Variants in ASAP2 observed in about 807,000 individuals in gnomAD.
ASAP2 encodes the protein ArfGAP with SH3 domain, ankyrin repeat and PH domain 2, also known as arf-GAP with SH3 domain, ANK repeat and PH domain-containing protein 2.
A neutral mutation model predicts 131.4 loss-of-function variants in ASAP2; 45 were observed. The ratio of observed to expected loss-of-function variants is 0.34; its 90% CI spans 0.27 to 0.44. ASAP2 has a LOEUF of 0.44. ASAP2 is among the 20% of genes least tolerant of loss of function. The pLI is 1.00. For synonymous variants in ASAP2, 510 were observed against 503.0 expected (o/e 1.01, Z -0.19); for missense variants, 1,011 against 1,297.0 (o/e 0.78, Z 3.39).
intron 22 of ASAP2, among the ~76,000 whole-genome samples, 199 bp downstream of exon 22, chr2:9,388,745 C>T (rs902684742): frequency 1.3e-5 from 2 of 152,156 alleles, no homozygotes; most frequent in African/African-American, 4.8e-5. Context: ...GACTCTTATT[C>T]TGGGCAGAGT....
chr2:9,395,594 C>CTTTT lies in ASAP2; in HGVS notation c.2684+1975_2684+1978dup. 3.0e-3 allele frequency among the ~76,000 whole-genome samples: 176 copies of CTTTT among 59,048 alleles called. 28 individuals carry two copies. The highest frequency in any genetic ancestry group is 4.8e-3 in the Non-Finnish European group (132 of 27,434). The allele number at this position is 59,048 out of a possible 152,430, so 38.7% of individuals were successfully genotyped here. On this transcript the variant is annotated intron_variant, in intron 24 of 27. Coordinates refer to ENST00000281419, the MANE Select transcript of ASAP2 (RefSeq NM_003887.3). ...GTTTTGTTTTTCTTGTGTTTTTTTT[C>CTTTT]TTTTTTTTTTTTTTTTTTTTTTTTT...
At chr2:9,216,029 G>T (rs1179593575) in intron 1 of ASAP2, among the ~76,000 whole-genome samples, 1 of 152,128 alleles carries the variant, frequency 6.6e-6, no homozygotes, top group Non-Finnish European at 1.5e-5. Flanking sequence ...TCTGAGCTGG[G>T]TAGGTCCTAC....
At chr2:9,388,961 C>T (rs1172171810) in intron 22 of ASAP2, among the ~76,000 whole-genome samples, 2 of 152,180 alleles carry the variant, frequency 1.3e-5, no homozygotes, top group East Asian at 3.9e-4. Flanking sequence ...CTCATGGCCC[C>T]TGCGATTACT....
intron 1 of ASAP2, among the ~76,000 whole-genome samples, chr2:9,275,082 GTTTTT>G (rs753527243): frequency 7.8e-6 from 1 of 128,850 alleles, no homozygotes; most frequent in Admixed American, 7.9e-5. Context: ...TCATTTGTCT[GTTTTT>G]TTTTTTTTTT....
intron 1 of ASAP2, chr2:9,271,493 T>C (rs894723606): frequency 1.4e-6 from 2 of 1,413,584 alleles, no homozygotes. Context: ...CCTTGGACAG[T>C]AGTAAGGGCC....
intron 1 of ASAP2, among the ~76,000 whole-genome samples, chr2:9,278,145 C>G (rs6431996): frequency 0.71 from 108,423 of 152,028 alleles, 38,930 homozygotes; most frequent in East Asian, 0.88. Context: ...ATTTAGTTTT[C>G]ATAGGATAGC....
chr2:9,353,419 TG>T (rs1672479187), intron 12 of ASAP2, among the ~76,000 whole-genome samples: 1 of 152,040 alleles, frequency 6.6e-6, no homozygotes, highest in South Asian at 2.1e-4. Flanking sequence ...TAGTGCAGTA[TG>T]GTGACATGTG....
intron 9 of ASAP2, among the ~76,000 whole-genome samples, chr2:9,336,791 G>A (rs144705289): frequency 8.7e-4 from 133 of 152,368 alleles, no homozygotes; most frequent in Non-Finnish European, 1.6e-3. Context: ...CGAGGAGGAG[G>A]TAGTGCGAGG....
rs529097705 is a variant in ASAP2 at position 9,299,296 on chromosome 2, A to G, written c.345+1851A>G. The stretch of plus-strand genomic sequence containing the variant: ...GACAGCAGCCGGAGGATTCAGAATC[A>G]GAATGGTGGTGAACTTCTCAGCAGC... On this transcript the variant is annotated intron_variant, in intron 3 of 27. Transcript: ENST00000281419. 8.5e-5 allele frequency among the ~76,000 whole-genome samples: 13 copies of G among 152,294 alleles called. 1 individual carries two copies. The East Asian group carries it at 2.1e-3, about 25-fold the overall frequency.
At chr2:9,270,161 G>A (rs1465356617) in intron 1 of ASAP2, among the ~76,000 whole-genome samples, 1 of 152,238 alleles carries the variant, frequency 6.6e-6, no homozygotes, top group Non-Finnish European at 1.5e-5. Context: ...GAATTAATGA[G>A]GTCTGGCCAG....
chr2:9,346,906 T>C (rs1290449105), intron 11 of ASAP2, among the ~76,000 whole-genome samples: 1 of 152,254 alleles, frequency 6.6e-6, no homozygotes, highest in African/African-American at 2.4e-5. Context: ...GGCTTAGTTG[T>C]CTTTAAATTT....
At chr2:9,289,989 C>CAGT (rs1667710591) in intron 2 of ASAP2, among the ~76,000 whole-genome samples, 1 of 151,702 alleles carries the variant, frequency 6.6e-6, no homozygotes, top group Non-Finnish European at 1.5e-5. Flanking sequence ...AGGAAGAAGC[C>CAGT]GGTGAGAGGC....
intron 1 of ASAP2, among the ~76,000 whole-genome samples, chr2:9,263,921 G>A (rs565903865): frequency 6.0e-4 from 92 of 152,236 alleles, no homozygotes; most frequent in African/African-American, 2.0e-3. Flanking sequence ...GCCAGGTGCC[G>A]TGTCTCACAC....
chr2:9,318,008 C>G (rs150435010), intron 3 of ASAP2, among the ~76,000 whole-genome samples: 158 of 151,064 alleles, frequency 1.0e-3, no homozygotes, highest in African/African-American at 3.7e-3. Context: ...ACACACACGT[C>G]TTTTCTCATT....
intron 18 of ASAP2, among the ~76,000 whole-genome samples, chr2:9,378,728 C>T (rs976030374): frequency 1.3e-5 from 2 of 152,224 alleles, no homozygotes; most frequent in South Asian, 2.1e-4. Context: ...CTGCCATCAT[C>T]GTGTTATTTC....
At chr2:9,282,331 G>A (rs1219551609) in intron 2 of ASAP2, among the ~76,000 whole-genome samples, 1 of 152,114 alleles carries the variant, frequency 6.6e-6, no homozygotes, top group Non-Finnish European at 1.5e-5. Flanking sequence ...TCTTTATTTC[G>A]GAACAAGCGT....
At chr2:9,213,097 G>A (rs549150327) in intron 1 of ASAP2, among the ~76,000 whole-genome samples, 16 of 152,338 alleles carry the variant, frequency 1.1e-4, no homozygotes, top group East Asian at 5.8e-4. Context: ...CAGTTGATAC[G>A]TGCTGTAAAG....
At chr2:9,363,253 A>G (rs781743423) in intron 15 of ASAP2, among the ~76,000 whole-genome samples, 3 of 152,178 alleles carry the variant, frequency 2.0e-5, no homozygotes, top group African/African-American at 4.8e-5. Context: ...GCTGCAGTAA[A>G]CAAGATGGTG....
intron 27 of ASAP2, among the ~76,000 whole-genome samples, chr2:9,401,696 C>T (rs1211307146): frequency 1.3e-5 from 2 of 152,194 alleles, no homozygotes; most frequent in Admixed American, 6.5e-5. Flanking sequence ...AGGTCATCAC[C>T]CCCCATTGCT....
Sources: gnomAD v4.1 joint callset for allele counts (sites outside exome capture counted in the v4.1 genomes callset) on GRCh38, gnomAD v4.1.1 for gene constraint, MANE v1.5 for transcripts, NCBI Gene and HGNC (gene_info 2026-07-23, HGNC 2026-07-21) for gene names.